Variants in LMF1 observed in about 807,000 individuals in gnomAD.
The protein encoded by LMF1 is transmembrane protein 112.
LMF1 carries 68 observed loss-of-function variants against 60.6 expected under a neutral mutation model. That is an observed-to-expected ratio of 1.12 (90% CI 0.92 to 1.37). LMF1 has a LOEUF of 1.37. LMF1 is among the 40% of genes most tolerant of loss of function. The probability of loss-of-function intolerance (pLI) is 0.00; values close to 1 mark genes in which losing one functional copy is unlikely to be tolerated. For synonymous variants in LMF1, 418 were observed against 324.7 expected, an observed-to-expected ratio of 1.29 and a Z score of -3.09; for missense variants, 948 against 767.2, an observed-to-expected ratio of 1.24 and a Z score of -2.78.
intron 2 of LMF1, among the ~76,000 whole-genome samples, chr16:954,065 C>CAGCGTCCTA (rs2072600083): frequency 1.3e-5 from 2 of 151,852 alleles, no homozygotes; most frequent in African/African-American, 4.8e-5. Context: ...AGACACAGAC[C>CAGCGTCCTA]CACTGCTTCT....
intron 3 of LMF1, among the ~76,000 whole-genome samples, chr16:927,844 G>C (rs1363611769): frequency 3.3e-5 from 5 of 152,228 alleles, no homozygotes; most frequent in African/African-American, 1.2e-4. Context: ...ATTCACAATG[G>C]CTGGCGGGAG....
Position 855,259 on chromosome 16 carries a change from C to G in LMF1, c.1530-553G>C, listed in dbSNP as rs755317621. 80 of 246,608 alleles carry G rather than the reference C, an allele frequency of 3.2e-4. 1 individual carries two copies. Among genetic ancestry groups the G allele is most frequent in the Admixed American group, 2.2e-3 (42 of 19,524 alleles). The allele number at this position is 246,608 out of a possible 1,614,324, so 15.3% of individuals were successfully genotyped here. On this transcript the variant is annotated intron_variant, in intron 10 of 10. Transcript: ENST00000262301. ...CTGCTTCCCAGGGCTTCAGGCCCTT[C>G]CCTGCCTGAGACGTGCAGATGCTGG...
intron 3 of LMF1, among the ~76,000 whole-genome samples, chr16:922,457 G>A (rs973931506): frequency 3.3e-5 from 5 of 152,216 alleles, no homozygotes; most frequent in African/African-American, 4.8e-5. Context: ...TCCACCTAAC[G>A]TGGCCAGCCC....
At chr16:914,758 ATTCC>A (rs780996364) in intron 3 of LMF1, among the ~76,000 whole-genome samples, 33 of 3,732 alleles carry the variant, frequency 8.8e-3, no homozygotes, top group Non-Finnish European at 0.011. Flanking sequence ...TTGGTGACAC[ATTCC>A]CTCCCTCCCT....
chr16:925,326 T>G (rs568979340), intron 3 of LMF1, among the ~76,000 whole-genome samples: 1 of 152,238 alleles, frequency 6.6e-6, no homozygotes, highest in African/African-American at 2.4e-5. Flanking sequence ...GAATTCTGCA[T>G]AGTAAAGAGA....
intron 3 of LMF1, among the ~76,000 whole-genome samples, chr16:922,038 T>G: frequency 6.6e-6 from 1 of 150,848 alleles, no homozygotes; most frequent in African/African-American, 2.4e-5. Context: ...AGCTGAGGAG[T>G]AAGGGGAGAG....
At chr16:957,666 C>G (rs1479361824) in intron 1 of LMF1, among the ~76,000 whole-genome samples, 7 of 152,142 alleles carry the variant, frequency 4.6e-5, no homozygotes, top group Admixed American at 1.3e-4. Flanking sequence ...CTCATGTTAC[C>G]CAATTTCAAG....
At chr16:896,335 G>A (rs964652073) in intron 4 of LMF1, among the ~76,000 whole-genome samples, 2 of 152,228 alleles carry the variant, frequency 1.3e-5, no homozygotes, top group African/African-American at 2.4e-5. Flanking sequence ...GTCTGGGTCC[G>A]GCATCGCCGT....
At chr16:914,710 C>CCATTGGTGGCACACTCCCTCCCTCCTTAT (rs2071229420) in intron 3 of LMF1, among the ~76,000 whole-genome samples, 1 of 1,140 alleles carries the variant, frequency 8.8e-4, no homozygotes, top group East Asian at 0.019. Context: ...CTCCCTCCCA[C>CCATTGGTGGCACACTCCCTCCCTCCTTAT]GACCATTGGT....
At chr16:893,145 C>G (rs2070540933) in intron 4 of LMF1, 73 bp from the exon 5 acceptor site, 2 of 1,308,340 alleles carry the variant, frequency 1.5e-6, no homozygotes, top group Non-Finnish European at 2.2e-6. Context: ...GAAACAGCTT[C>G]CCAGGAAGAC....
chr16:881,848 G>T (rs1252834713), intron 5 of LMF1, among the ~76,000 whole-genome samples: 1 of 152,212 alleles, frequency 6.6e-6, no homozygotes, highest in Non-Finnish European at 1.5e-5. Flanking sequence ...TTGGGGTGGG[G>T]GACTTTAACC....
At chr16:980,904 C>T (rs1482735666) in intron 1 of LMF1, 1 of 152,006 alleles carries the variant, frequency 6.6e-6, no homozygotes, top group East Asian at 1.9e-4. Flanking sequence ...GCCTCCCCGC[C>T]CCCGAGCCCT....
intron 10 of LMF1, among the ~76,000 whole-genome samples, chr16:867,859 G>T (rs972578224): frequency 6.6e-6 from 1 of 152,110 alleles, no homozygotes; most frequent in South Asian, 2.1e-4. Context: ...TGCCAGACTC[G>T]GGCCCAGCTG....
At chr16:894,929 G>GAGCT (rs1250920082) in intron 4 of LMF1, among the ~76,000 whole-genome samples, 1 of 152,156 alleles carries the variant, frequency 6.6e-6, no homozygotes, top group African/African-American at 2.4e-5. Flanking sequence ...GGCCCGGACA[G>GAGCT]AGCTGACAGG....
At chr16:972,729 C>A (rs184798950), upstream of LMF1, among the ~76,000 whole-genome samples, 6 of 152,320 alleles carry the variant, frequency 3.9e-5, no homozygotes, top group East Asian at 1.2e-3. Context: ...GCTCTCCCCG[C>A]GAAGGGCACA....
intron 6 of LMF1, among the ~76,000 whole-genome samples, chr16:879,056 C>A (rs981383221): frequency 6.6e-6 from 1 of 151,894 alleles, no homozygotes; most frequent in East Asian, 1.9e-4. Context: ...GCAGGGATGG[C>A]GGTGACTGTG....
intron 6 of LMF1, among the ~76,000 whole-genome samples, chr16:876,233 G>A (rs534871764): frequency 4.6e-5 from 7 of 152,374 alleles, no homozygotes; most frequent in Admixed American, 1.3e-4. Flanking sequence ...GAGCCCACGC[G>A]CGGCCGCGGA....
Position 870,088 on chromosome 16 carries a change from C to T in LMF1, c.1233-22G>A, listed in dbSNP as rs2069737247. On this transcript the variant is annotated intron_variant, in intron 8 of 10. Coordinates refer to ENST00000262301, the MANE Select transcript of LMF1 (RefSeq NM_022773.4). ...GATGCTGCCGGGAGACCGAGGCAGG[C>T]CAGGCCCACGTCACACACCGGCTGG... The T allele has an allele frequency of 3.8e-6, 6 of 1,598,040 alleles. No homozygotes were observed. The African/African-American group carries it at 8.0e-5, about 21-fold the overall frequency.
intron 1 of LMF1, among the ~76,000 whole-genome samples, chr16:964,295 CA>C (rs68176791): frequency 0.029 from 1,840 of 63,828 alleles, 17 homozygotes; most frequent in Non-Finnish European, 0.038. Context: ...AACTCTGTCT[CA>C]AAAAAAAAAA....
Sources: gnomAD v4.1 joint callset for allele counts (sites outside exome capture counted in the v4.1 genomes callset) on GRCh38, gnomAD v4.1.1 for gene constraint, MANE v1.5 for transcripts, NCBI Gene and HGNC (gene_info 2026-07-23, HGNC 2026-07-21) for gene names.